Variants in DOHH observed in about 807,000 individuals in gnomAD.
DOHH encodes the protein HEAT-like (PBS lyase) repeat containing 1.
DOHH carries 16 observed loss-of-function variants against 19.9 expected under a neutral mutation model. The observed-to-expected ratio is 0.80, with a 90% CI of 0.54 to 1.22. DOHH has a LOEUF of 1.22. DOHH is among the 50% of genes most tolerant of loss of function. The probability of loss-of-function intolerance (pLI) is 0.00; values close to 1 mark genes in which losing one functional copy is unlikely to be tolerated. For synonymous variants in DOHH, 233 were observed against 217.0 expected (o/e 1.07, Z -0.65); for missense variants, 460 against 460.6 (o/e 1.00, Z 0.01).
intron 3 of DOHH, among the ~76,000 whole-genome samples, chr19:3,493,173 C>G (rs564524030): frequency 6.6e-6 from 1 of 152,246 alleles, no homozygotes; most frequent in Admixed American, 6.5e-5. Flanking sequence ...AATGACGGGC[C>G]GGCCGAAGCG....
chr19:3,494,103 C>G lies in DOHH; in HGVS notation c.276G>C (p.Gly92=). Residue 92 remains glycine, a splice_region_variant and synonymous_variant, in exon 3 of 5, where the codon GGG becomes GGC. Coordinates refer to ENST00000427575, the MANE Select transcript of DOHH (RefSeq NM_001145165.2). ...GGTCCCCGATGGCCCCCAGGGCCTC[C>G]CCTGGGAAGAAGCAGCCGGAGAGCT... ...RQEPMVRHEA[G]EALGAIGDPE... is the part of the protein sequence containing the mutation. 1 of 1,613,212 alleles carries G rather than the reference C, an allele frequency of 6.2e-7. No homozygotes were observed. Among genetic ancestry groups the G allele is most frequent in the Non-Finnish European group, 8.5e-7 (1 of 1,179,366 alleles).
At chr19:3,495,033 C>T (rs1267204175) in intron 2 of DOHH, among the ~76,000 whole-genome samples, 1 of 151,646 alleles carries the variant, frequency 6.6e-6, no homozygotes, top group African/African-American at 2.4e-5. Flanking sequence ...AGTACAATGG[C>T]GCGATCTCCA....
chr19:3,492,112 C>T (rs1238657095), intron 4 of DOHH, 150 bp downstream of exon 4: 1 of 789,410 alleles, frequency 1.3e-6, no homozygotes, highest in South Asian at 2.2e-5. Context: ...GACGCTTGCA[C>T]GGGTTCTTAA....
Position 3,496,633 on chromosome 19 carries a change from C to T in DOHH, c.182G>A (p.Cys61Tyr), listed in dbSNP as rs1432444568. The T allele has an allele frequency of 1.9e-6, 3 of 1,613,934 alleles. No homozygotes were observed. In the African/African-American group the frequency reaches 4.0e-5, roughly 22 times the overall value. The change falls in exon 2 of 5, where the codon TGC (cysteine) becomes TAC (tyrosine). Residue 61 changes from cysteine to tyrosine, a missense_variant. Cys to Tyr is a radical substitution (Grantham distance 194). Transcript: ENST00000427575. This position sits in a 1 kb window ranked among gnomAD's most constrained non-coding sequence, Gnocchi z 4.8. ...SALLKHELAY[C>Y]LGQMQDARAI... Reference sequence around the variant, plus strand: ...GCGGGCATCCTGCATCTGGCCCAGGCAGTAGGCCAGCTCGTGCTTGAGCAG... The same window carrying T: ...GCGGGCATCCTGCATCTGGCCCAGGTAGTAGGCCAGCTCGTGCTTGAGCAG...
Position 3,491,820 on chromosome 19 carries a change from G to C in DOHH, c.590-9C>G. 6.9e-7 allele frequency: 1 copy of C among 1,454,156 alleles called. No individual in the cohort carries two copies. Among genetic ancestry groups the C allele is most frequent in the Non-Finnish European group, 9.0e-7 (1 of 1,106,026 alleles). 90.1% of individuals were successfully genotyped at this position (1,454,156 alleles called of 1,614,324 possible). On this transcript the variant is annotated splice_polypyrimidine_tract_variant and intron_variant, in intron 4 of 4. Coordinates refer to ENST00000427575, the MANE Select transcript of DOHH (RefSeq NM_001145165.2). The surrounding 1 kb of genome is among the most constrained non-coding windows in gnomAD (Gnocchi z 5.6). ...GCTCCCACAGTGCAGACCTGCAGGG[G>C]AGAGGGACACTCGCTGGGGCCAGGA...
chr19:3,500,107 T>TCC (rs2082938767), intron 1 of DOHH, among the ~76,000 whole-genome samples: 2 of 151,808 alleles, frequency 1.3e-5, no homozygotes, highest in East Asian at 3.9e-4. Flanking sequence ...ACCCCTCTCT[T>TCC]TCCAGATCGG....
In DOHH at chr19:3,496,692, T is replaced by G. The variant is rs754040779; in HGVS notation, c.123A>C (p.Ala41=). Residue 41 remains alanine, a synonymous_variant, in exon 2 of 5, where the codon GCA becomes GCC. Coordinates refer to ENST00000427575, the MANE Select transcript of DOHH (RefSeq NM_001145165.2). This position sits in a 1 kb window ranked among gnomAD's most constrained non-coding sequence, Gnocchi z 4.8. ...CGTCATCGAAGGCCTGGCTGATCCA[T>G]GCAATGGCGCCTGGGCCGCCGAGCC... ...LRGLGGPGAI[A]WISQAFDDDS... 7 of 1,613,766 alleles carry G rather than the reference T, an allele frequency of 4.3e-6. No individual in the cohort carries two copies. In the Middle Eastern group the frequency reaches 6.6e-4, roughly 152 times the overall value.
chr19:3,494,780 T>C (rs2082896379), intron 2 of DOHH, among the ~76,000 whole-genome samples: 5 of 152,230 alleles, frequency 3.3e-5, no homozygotes, highest in Admixed American at 3.3e-4. Context: ...CGGTTTGCGT[T>C]TGTGCACCTG....
chr19:3,495,862 C>T (rs1297287497), intron 2 of DOHH, among the ~76,000 whole-genome samples: 2 of 150,606 alleles, frequency 1.3e-5, no homozygotes, highest in Admixed American at 6.6e-5. Context: ...TGAGCCAAGA[C>T]GGCACCACAG....
Position 3,496,913 on chromosome 19 carries a change from T to C in DOHH, c.-72-27A>G. On this transcript the variant is annotated intron_variant, in intron 1 of 4. Coordinates refer to ENST00000427575, the MANE Select transcript of DOHH (RefSeq NM_001145165.2). This position sits in a 1 kb window ranked among gnomAD's most constrained non-coding sequence, Gnocchi z 4.8. ...TGTGGCAGAAAAATGAGAGCCCAGG[T>C]TAGAAGCCCCCTTCACCAGTGCGTT... is the stretch of plus-strand genomic sequence containing the variant. The C allele has an allele frequency of 1.5e-6, 2 of 1,360,084 alleles. No individual in the cohort carries two copies. Among genetic ancestry groups the C allele is most frequent in the Non-Finnish European group, 1.9e-6 (2 of 1,049,728 alleles). 84.3% of individuals were successfully genotyped at this position (1,360,084 alleles called of 1,614,324 possible).
rs2082872804 is a variant in DOHH, at chr19:3,491,946, A to G, written c.590-135T>C. 6 of 1,054,992 alleles carry G rather than the reference A, an allele frequency of 5.7e-6. No individual in the cohort carries two copies. Among genetic ancestry groups the G allele is most frequent in the Non-Finnish European group, 6.4e-6 (5 of 775,264 alleles). 65.4% of individuals were successfully genotyped at this position (1,054,992 alleles called of 1,614,324 possible). A position where few individuals can be genotyped will look rare whatever the true frequency, so the allele number is the denominator to read the frequency against. On this transcript the variant is annotated intron_variant, in intron 4 of 4. Coordinates refer to ENST00000427575, the MANE Select transcript of DOHH (RefSeq NM_001145165.2). The surrounding 1 kb of genome is among the most constrained non-coding windows in gnomAD (Gnocchi z 5.6). ...GGCGATCTTCCCATCCCGGCCTCCC[A>G]AAGTGCTGGGACGACAGGCGTGAGC...
chr19:3,494,305 T>G (rs553557047), intron 2 of DOHH, among the ~76,000 whole-genome samples: 1 of 152,284 alleles, frequency 6.6e-6, no homozygotes, highest in South Asian at 2.1e-4. Flanking sequence ...AGCAAGGCAC[T>G]GCCTGGAACC....
chr19:3,494,195 G>A, intron 2 of DOHH, 91 bp from the exon 3 acceptor site: 5 of 1,162,922 alleles, frequency 4.3e-6, no homozygotes, highest in Non-Finnish European at 6.2e-6. Context: ...ACCCCTCCCA[G>A]GGCTCTGCCA....
chr19:3,492,636 A>G (rs961347658), intron 3 of DOHH, 137 bp from the exon 4 acceptor site: 1 of 711,086 alleles, frequency 1.4e-6, no homozygotes, highest in Non-Finnish European at 2.1e-6. Flanking sequence ...GCAGGAAGTA[A>G]GCCAGCAGGG....
At chr19:3,500,104 T>TC (rs2082938677) in intron 1 of DOHH, among the ~76,000 whole-genome samples, 2 of 119,442 alleles carry the variant, frequency 1.7e-5, no homozygotes, top group East Asian at 7.4e-4. Flanking sequence ...GGGACCCCTC[T>TC]CTTTCCAGAT....
Position 3,491,702 on chromosome 19 carries a change from G to C in DOHH, c.699C>G (p.Thr233=). The C allele has an allele frequency of 6.6e-6, 10 of 1,525,854 alleles. No individual in the cohort carries two copies. Among genetic ancestry groups the C allele is most frequent in the Non-Finnish European group, 7.0e-6 (8 of 1,139,314 alleles). 94.5% of individuals were successfully genotyped at this position (1,525,854 alleles called of 1,614,324 possible). The part of the protein sequence containing the change: ...PQLAAALARC[T]ENPMVRHECA... Reference sequence around the variant, plus strand: ...ACTCGTGCCGCACCATGGGGTTCTCGGTGCATCGGGCCAGGGCGGCCGCCA... The same window carrying C: ...ACTCGTGCCGCACCATGGGGTTCTCCGTGCATCGGGCCAGGGCGGCCGCCA... The change falls in exon 5 of 5, where the codon ACC becomes ACG. Residue 233 remains threonine (T), a synonymous_variant. Coordinates refer to ENST00000427575, the MANE Select transcript of DOHH (RefSeq NM_001145165.2). This position sits in a 1 kb window ranked among gnomAD's most constrained non-coding sequence, Gnocchi z 5.6.
chr19:3,492,230 C>A, intron 4 of DOHH, 32 bp downstream of exon 4: 1 of 1,442,866 alleles, frequency 6.9e-7, no homozygotes, highest in Non-Finnish European at 9.0e-7. Context: ...CGAGGCACTG[C>A]CCAGGACCCC....
rs760122532 is a variant in DOHH, at chr19:3,491,820, G to A, written c.590-9C>T. The A allele has an allele frequency of 5.5e-6, 8 of 1,454,038 alleles. No individual in the cohort carries two copies. The highest frequency in any genetic ancestry group is 2.1e-4 in the Middle Eastern group (1 of 4,726). The allele number at this position is 1,454,038 out of a possible 1,614,324, so 90.1% of individuals were successfully genotyped here. A position where few individuals can be genotyped will look rare whatever the true frequency, so the allele number is the denominator to read the frequency against. ...GCTCCCACAGTGCAGACCTGCAGGG[G>A]AGAGGGACACTCGCTGGGGCCAGGA... is the stretch of plus-strand genomic sequence containing the variant. On this transcript the variant is annotated splice_polypyrimidine_tract_variant and intron_variant, in intron 4 of 4. Transcript: ENST00000427575. The surrounding 1 kb of genome is among the most constrained non-coding windows in gnomAD (Gnocchi z 5.6).
Position 3,491,195 on chromosome 19 carries a change from A to G in DOHH, c.*297T>C, listed in dbSNP as rs73920126. On this transcript the variant is annotated 3_prime_UTR_variant, in exon 5 of 5. Coordinates refer to ENST00000427575, the MANE Select transcript of DOHH (RefSeq NM_001145165.2). The surrounding 1 kb of genome is among the most constrained non-coding windows in gnomAD (Gnocchi z 5.6). ...GCGATCCTCCCCTGGCTTCCCTCGC[A>G]ATCCTCCCCTGTCCTGAGCCGGGCA... 1.4e-3 allele frequency: 632 copies of G among 452,634 alleles called. 12 individuals are homozygous for G. The highest frequency in any genetic ancestry group is 0.013 in the African/African-American group (566 of 43,548). 28.0% of individuals were successfully genotyped at this position (452,634 alleles called of 1,614,324 possible).
Sources: gnomAD v4.1 joint callset for allele counts (sites outside exome capture counted in the v4.1 genomes callset) on GRCh38, gnomAD v4.1.1 for gene constraint, Gnocchi (gnomAD v3.1) non-coding constraint, MANE v1.5 for transcripts, NCBI Gene and HGNC (gene_info 2026-07-23, HGNC 2026-07-21) for gene names.